The following KCP variants were observed in gnomAD, a reference collection of about 807,000 sequenced individuals.
KCP encodes the protein kielin/chordin-like protein.
In KCP, 194 loss-of-function variants were observed where a neutral mutation model predicts 212.7. The ratio of observed to expected loss-of-function variants is 0.91; its 90% CI spans 0.81 to 1.03. The LOEUF (loss-of-function observed/expected upper bound fraction) is 1.03. Among genes scored for constraint, KCP ranks in the 50% least tolerant of loss-of-function variants. The pLI, the probability that KCP is intolerant of heterozygous loss-of-function variation, is 0.00. For missense variants in KCP, 2,080 were observed against 2,162.5 expected, an observed-to-expected ratio of 0.96 and a Z score of 0.76; for synonymous variants, 833 against 865.3, an observed-to-expected ratio of 0.96 and a Z score of 0.65.
intron 7 of KCP, chr7:128,903,182 G>A (rs1241133330): frequency 1.5e-5 from 6 of 387,412 alleles, no homozygotes; most frequent in Admixed American, 8.5e-5. Context: ...TCAGGGCCAC[G>A]CCTGTGCTTG....
intron 8 of KCP, among the ~76,000 whole-genome samples, chr7:128,899,474 C>CT (rs1472686297): frequency 6.6e-6 from 1 of 152,180 alleles, no homozygotes; most frequent in Non-Finnish European, 1.5e-5. Flanking sequence ...GAGAGCTGAG[C>CT]TGAAATGTTC....
Position 128,890,478 on chromosome 7 carries a change from C to T in KCP, c.2200G>A (p.Glu734Lys). Reference protein sequence around the residue: ...LYQGKEFASGERFPSPTAACH... With the variant: ...LYQGKEFASGKRFPSPTAACH... ...GCAGCAGTGGGCGATGGGAAGCGCT[C>T]CCCGCTGGCAAACTCCTTCCCCTGG... Residue 734 changes from glutamate (E) to lysine (K), a missense_variant, in exon 21 of 40, where the codon GAG (glutamate) becomes AAG (lysine). Glu to Lys is a moderately conservative substitution (Grantham distance 56, BLOSUM62 1). Coordinates refer to ENST00000610776, the MANE Select transcript of KCP (RefSeq NM_001366122.1). The T allele has an allele frequency of 6.4e-7, 1 of 1,550,442 alleles. No homozygotes were observed. Among genetic ancestry groups the T allele is most frequent in the Non-Finnish European group, 8.7e-7 (1 of 1,146,900 alleles).
chr7:128,885,614 C>G (rs1335892308), intron 26 of KCP, among the ~76,000 whole-genome samples: 2 of 150,584 alleles, frequency 1.3e-5, no homozygotes, highest in East Asian at 3.8e-4. Flanking sequence ...CCATCGCTAA[C>G]CATGTGCCCA....
chr7:128,884,949 C>G (rs1410633200), intron 27 of KCP, 86 bp from the exon 28 acceptor site: 1 of 1,485,092 alleles, frequency 6.7e-7, no homozygotes, highest in Non-Finnish European at 9.2e-7. Flanking sequence ...TCTCCAGCCT[C>G]CCCCTGATCC....
intron 4 of KCP, 135 bp from the exon 5 acceptor site, chr7:128,906,498 C>T: frequency 1.4e-6 from 1 of 696,702 alleles, no homozygotes; most frequent in East Asian, 2.7e-5. Flanking sequence ...ATGTGGGCTA[C>T]CCTCTGTGTA....
rs1430262083 is a variant in KCP at position 128,877,631 on chromosome 7, G to T, written c.4471C>A (p.Pro1491Thr). Residue 1491 changes from proline to threonine, a missense_variant, in exon 39 of 40, where the codon CCC (proline) becomes ACC (threonine). Physicochemically the swap from Pro to Thr is conservative, Grantham distance 38. Coordinates refer to ENST00000610776, the MANE Select transcript of KCP (RefSeq NM_001366122.1). Reference sequence around the variant, plus strand: ...TCATACACACAGGCGGCAAAGAAGGGCTCCGGTGGCACCACAGCATGGCAG... The same window carrying T: ...TCATACACACAGGCGGCAAAGAAGGTCTCCGGTGGCACCACAGCATGGCAG... ...SRCHAVVPPE[P>T]FFAACVYDLC... The T allele has an allele frequency of 2.6e-6, 4 of 1,551,546 alleles. No individual in the cohort carries two copies. Among genetic ancestry groups the T allele is most frequent in the Non-Finnish European group, 3.5e-6 (4 of 1,146,994 alleles).
chr7:128,906,984 G>A lies in KCP; in HGVS notation c.486+117C>T, dbSNP rs113676229. On this transcript the variant is annotated intron_variant, in intron 4 of 39. Coordinates refer to ENST00000610776, the MANE Select transcript of KCP (RefSeq NM_001366122.1). ...ATCAACTGAAAGCCACCGTGGCAAGGTGTGGGAGTGGCAGGCAGAGCCCAT... is the reference window on the plus strand; with the variant it reads ...ATCAACTGAAAGCCACCGTGGCAAGATGTGGGAGTGGCAGGCAGAGCCCAT... 5.9e-4 allele frequency: 575 copies of A among 978,778 alleles called. 3 individuals are homozygous for A. In the African/African-American group the frequency reaches 8.5e-3, roughly 14 times the overall value. The allele number at this position is 978,778 out of a possible 1,614,324, so 60.6% of individuals were successfully genotyped here.
In KCP at chr7:128,884,078, C is replaced by G. The variant is rs1228517968; in HGVS notation, c.3168G>C (p.Gln1056His). The G allele has an allele frequency of 6.5e-7, 1 of 1,543,282 alleles. No homozygotes were observed. The highest frequency in any genetic ancestry group is 1.2e-5 in the South Asian group (1 of 83,502). ...GGGGGCAGCCCACCAGGCTGGGACA[C>G]TGCCGCCGGTGACAGCGAAGGCTGG... Reference protein sequence around the residue: ...GPPSLRCHRRQCPSLVGCPPS... With the variant: ...GPPSLRCHRRHCPSLVGCPPS... The change falls in exon 29 of 40, where the codon CAG (glutamine) becomes CAC (histidine). Residue 1056 changes from glutamine (Q) to histidine (H), a missense_variant. Transcript: ENST00000610776.
intron 18 of KCP, 57 bp from the exon 19 acceptor site, chr7:128,891,335 A>G: frequency 5.8e-6 from 9 of 1,544,980 alleles, no homozygotes; most frequent in Non-Finnish European, 7.9e-6. Flanking sequence ...GGCCGAGGAG[A>G]CCCCTCCCAC....
chr7:128,904,159 A>G (rs1369055310), intron 5 of KCP, 21 bp from the exon 6 acceptor site: 12 of 1,549,186 alleles, frequency 7.7e-6, no homozygotes, highest in South Asian at 2.4e-5. Flanking sequence ...TGGCAGGATG[A>G]CAAGTGGGTC....
chr7:128,892,479 C>A, intron 16 of KCP, 35 bp downstream of exon 16: 1 of 1,436,326 alleles, frequency 7.0e-7, no homozygotes, highest in Non-Finnish European at 9.3e-7. Flanking sequence ...CCTCTGGGGC[C>A]CTGATCCCCT....
chr7:128,901,633 A>G (rs1310230561), intron 8 of KCP, among the ~76,000 whole-genome samples: 1 of 152,148 alleles, frequency 6.6e-6, no homozygotes, highest in Non-Finnish European at 1.5e-5. Context: ...CTCAAAAAAA[A>G]AAAACACATA....
intron 16 of KCP, 25 bp from the exon 17 acceptor site, chr7:128,891,844 G>C (rs1794167648): frequency 7.0e-7 from 1 of 1,428,710 alleles, no homozygotes; most frequent in Non-Finnish European, 9.2e-7. Context: ...GTGGGGGCAG[G>C]TATGAGGGCA....
Position 128,910,638 on chromosome 7 carries a change from C to T in KCP, c.39G>A (p.Leu13=). The change falls in exon 1 of 40, where the codon CTG becomes CTA. Residue 13 remains leucine (L), a synonymous_variant. Transcript: ENST00000610776. The stretch of plus-strand genomic sequence containing the variant: ...CGGCCAGCGCCAGGGCCCCGAGGTG[C>T]AGGAGAAGGGACAGCGCAGCGGCCC... ...GVGAAALSLL[L]HLGALALAAG... The T allele has an allele frequency of 1.3e-6, 2 of 1,518,230 alleles. No individual in the cohort carries two copies. The highest frequency in any genetic ancestry group is 1.8e-6 in the Non-Finnish European group (2 of 1,140,044). 94.0% of individuals were successfully genotyped at this position (1,518,230 alleles called of 1,614,324 possible).
chr7:128,908,224 G>A (rs1795230927), intron 2 of KCP, among the ~76,000 whole-genome samples: 1 of 122,050 alleles, frequency 8.2e-6, no homozygotes, highest in Non-Finnish European at 1.7e-5. Context: ...AGGAAGGAGG[G>A]AAGGAAAGAA....
intron 8 of KCP, among the ~76,000 whole-genome samples, chr7:128,895,115 C>T (rs1395740634): frequency 6.6e-6 from 1 of 152,144 alleles, no homozygotes; most frequent in Non-Finnish European, 1.5e-5. Flanking sequence ...CACTTCTGGC[C>T]TCCAGAACTG....
At position 128,884,024 on chromosome 7, in the gene KCP, C is replaced by T; in HGVS notation, c.3222G>A (p.Gln1074=). ...CACCGGCACAGGTGGGACAGCAGTG[C>T]TGGGGCCCAGGGGGCAGGAGCTGGC... ...PPSQLLPPGP[Q]HCCPTCAEAL... Residue 1074 remains glutamine (Q), a synonymous_variant, in exon 29 of 40, where the codon CAG becomes CAA. Coordinates refer to ENST00000610776, the MANE Select transcript of KCP (RefSeq NM_001366122.1). 1 of 1,548,632 alleles carries T rather than the reference C, an allele frequency of 6.5e-7. No individual in the cohort carries two copies. The highest frequency in any genetic ancestry group is 8.7e-7 in the Non-Finnish European group (1 of 1,146,360).
At chr7:128,906,834 C>T (rs1006515767) in intron 4 of KCP, among the ~76,000 whole-genome samples, 1 of 151,464 alleles carries the variant, frequency 6.6e-6, no homozygotes. Context: ...TGTCAAAAAC[C>T]GCAATTACTT....
chr7:128,888,525 GATACACAC>G (rs1159902023), intron 22 of KCP, among the ~76,000 whole-genome samples: 3 of 121,452 alleles, frequency 2.5e-5, no homozygotes, highest in East Asian at 2.4e-4. Flanking sequence ...GCCACACACA[GATACACAC>G]ATACACACAT....
Sources: gnomAD v4.1 joint callset for allele counts (sites outside exome capture counted in the v4.1 genomes callset) on GRCh38, gnomAD v4.1.1 for gene constraint, MANE v1.5 for transcripts, NCBI Gene and HGNC (gene_info 2026-07-23, HGNC 2026-07-21) for gene names.